FBXL17: variants seen among roughly 807,000 people sequenced by gnomAD.
The protein encoded by FBXL17 is F-box/LRR-repeat protein 17.
FBXL17 carries 22 observed loss-of-function variants against 66.2 expected under a neutral mutation model. The ratio of observed to expected loss-of-function variants is 0.33; its 90% CI spans 0.24 to 0.47. The LOEUF is 0.47. Ranked by LOEUF, FBXL17 falls within the 20% of genes least tolerant of loss-of-function variation. The pLI, the probability that FBXL17 is intolerant of heterozygous loss-of-function variation, is 1.00. For missense variants in FBXL17, 878 were observed against 948.2 expected (o/e 0.93, Z 0.97); for synonymous variants, 474 against 400.5 (o/e 1.18, Z -2.19).
At chr5:108,288,319 G>A (rs2150158437) in intron 4 of FBXL17, among the ~76,000 whole-genome samples, 1 of 151,482 alleles carries the variant, frequency 6.6e-6, no homozygotes, top group South Asian at 2.1e-4. Context: ...AAAAAAAGTT[G>A]TGAGAGTTAC....
chr5:108,328,574 T>C (rs921957111), intron 4 of FBXL17, among the ~76,000 whole-genome samples: 4 of 152,006 alleles, frequency 2.6e-5, no homozygotes, highest in Admixed American at 6.6e-5. Flanking sequence ...TTTTTGAAAA[T>C]AGGGACAGAT....
chr5:108,016,818 C>T (rs1478574800), intron 7 of FBXL17, among the ~76,000 whole-genome samples: 5 of 145,652 alleles, frequency 3.4e-5, no homozygotes, highest in Non-Finnish European at 6.0e-5. Flanking sequence ...TCGCTTTTGT[C>T]GCCCAGGCTG....
chr5:108,329,983 T>C (rs1760045205), intron 4 of FBXL17, among the ~76,000 whole-genome samples: 1 of 152,268 alleles, frequency 6.6e-6, no homozygotes. Flanking sequence ...GCATGGCCTA[T>C]GGAAAAGGGT....
intron 6 of FBXL17, among the ~76,000 whole-genome samples, chr5:108,124,590 G>T (rs1750625109): frequency 6.6e-6 from 1 of 151,938 alleles, no homozygotes; most frequent in Non-Finnish European, 1.5e-5. Context: ...TTTCATTTTG[G>T]CTCAAAATGT....
At chr5:108,346,131 A>G (rs114819520) in intron 4 of FBXL17, among the ~76,000 whole-genome samples, 3,143 of 152,242 alleles carry the variant, frequency 0.021, 108 homozygotes, top group African/African-American at 0.072. Flanking sequence ...AAGTATTTAA[A>G]TATTTCTCTT....
chr5:107,996,463 C>T (rs531338367), intron 7 of FBXL17, among the ~76,000 whole-genome samples: 9 of 152,150 alleles, frequency 5.9e-5, no homozygotes, highest in South Asian at 4.1e-4. Context: ...CACAGGTGTG[C>T]GCCACCATGT....
intron 6 of FBXL17, among the ~76,000 whole-genome samples, chr5:108,077,721 G>A (rs897792407): frequency 4.0e-5 from 6 of 151,088 alleles, no homozygotes; most frequent in East Asian, 1.9e-4. Flanking sequence ...TGGATTGTCC[G>A]TTGTTTTTGA....
chr5:108,195,363 A>AGTTAGGACAGTGCAAGAGT (rs1399250488), intron 5 of FBXL17, among the ~76,000 whole-genome samples: 4 of 152,108 alleles, frequency 2.6e-5, no homozygotes, highest in Non-Finnish European at 5.9e-5. Context: ...AGCCAGGCTG[A>AGTTAGGACAGTGCAAGAGT]TATCTGGGGC....
intron 6 of FBXL17, among the ~76,000 whole-genome samples, chr5:108,065,893 AAC>A (rs544056909): frequency 1.7e-4 from 26 of 152,270 alleles, no homozygotes; most frequent in African/African-American, 5.8e-4. Flanking sequence ...TAAAATTTCC[AAC>A]AGAGTCTCAC....
intron 2 of FBXL17, 134 bp downstream of exon 2, chr5:108,367,697 C>G: frequency 1.4e-6 from 1 of 710,532 alleles, no homozygotes; most frequent in Non-Finnish European, 2.1e-6. Context: ...CAAAAAACTA[C>G]AGAAGCACAA....
At chr5:107,863,732 C>T (rs1748198848) in intron 8 of FBXL17, among the ~76,000 whole-genome samples, 1 of 152,108 alleles carries the variant, frequency 6.6e-6, no homozygotes, top group African/African-American at 2.4e-5. Context: ...AAATAGAAAT[C>T]CAAGAATAAG....
chr5:108,154,616 T>TATACAC (rs1554070064), intron 6 of FBXL17, among the ~76,000 whole-genome samples: 9,057 of 96,022 alleles, frequency 0.094, 599 homozygotes, highest in Non-Finnish European at 0.12. Context: ...AATATATATA[T>TATACAC]ACACACACAC....
At chr5:108,119,389 A>G (rs1750387122) in intron 6 of FBXL17, among the ~76,000 whole-genome samples, 1 of 152,218 alleles carries the variant, frequency 6.6e-6, no homozygotes, top group African/African-American at 2.4e-5. Flanking sequence ...AACCAGGGCT[A>G]TATGAGCAGG....
chr5:108,019,179 A>C (rs895212386), intron 7 of FBXL17, among the ~76,000 whole-genome samples: 1 of 152,118 alleles, frequency 6.6e-6, no homozygotes, highest in Non-Finnish European at 1.5e-5. Context: ...CAGAAGCATG[A>C]AGTCAGACAT....
chr5:108,197,206 T>G (rs1054020834), intron 5 of FBXL17, among the ~76,000 whole-genome samples: 4 of 152,182 alleles, frequency 2.6e-5, no homozygotes, highest in Admixed American at 6.6e-5. Flanking sequence ...CCTTGTCACT[T>G]TTTTACCCAG....
chr5:107,895,281 C>T (rs1749338542), intron 7 of FBXL17, among the ~76,000 whole-genome samples: 2 of 152,062 alleles, frequency 1.3e-5, no homozygotes, highest in Middle Eastern at 6.8e-3. Context: ...TACCCTCATG[C>T]CTGGGAAGGA....
At chr5:107,967,339 T>C (rs1359079453) in intron 7 of FBXL17, among the ~76,000 whole-genome samples, 2 of 152,038 alleles carry the variant, frequency 1.3e-5, no homozygotes, top group African/African-American at 4.8e-5. Flanking sequence ...ATCAAATCTC[T>C]AGAACTGCTT....
chr5:108,058,236 T>C (rs981477089), intron 6 of FBXL17, among the ~76,000 whole-genome samples: 6 of 152,228 alleles, frequency 3.9e-5, no homozygotes, highest in South Asian at 2.1e-4. Context: ...GAGGTTCGGT[T>C]TGATAGTGGT....
intron 6 of FBXL17, among the ~76,000 whole-genome samples, chr5:108,147,510 A>G (rs913401718): frequency 2.0e-5 from 3 of 152,124 alleles, no homozygotes; most frequent in African/African-American, 7.2e-5. Flanking sequence ...ACACAATGAG[A>G]TCCTGTCTGA....
Sources: allele counts gnomAD v4.1 joint callset (sites outside exome capture counted in the v4.1 genomes callset), GRCh38; gene constraint gnomAD v4.1.1; transcripts MANE v1.5; gene names NCBI Gene and HGNC (gene_info 2026-07-23, HGNC 2026-07-21).